PSPC1: variants seen among roughly 807,000 people sequenced by gnomAD.
PSPC1 encodes paraspeckle component 1, also known as paraspeckle protein 1.
PSPC1 carries 14 observed loss-of-function variants against 51.6 expected under a neutral mutation model. The observed-to-expected ratio is 0.27, with a 90% confidence interval of 0.18 to 0.42. PSPC1 has a LOEUF of 0.42. Among genes scored for constraint, PSPC1 ranks in the 10% least tolerant of loss-of-function variants. The probability of loss-of-function intolerance (pLI) is 1.00; values close to 1 mark genes in which losing one functional copy is unlikely to be tolerated. For missense variants in PSPC1, 406 were observed against 701.1 expected (o/e 0.58, Z 4.75); for synonymous variants, 193 against 231.9 (o/e 0.83, Z 1.53).
In PSPC1 at chr13:19,755,600, A is replaced by C. The variant is rs527767499; in HGVS notation, c.770+3723T>G. ...AGAAACTCCATCTCAAAAAAAAAAAAAACAATAGATATGAATTATAATCAA... is the reference window on the plus strand; with the variant it reads ...AGAAACTCCATCTCAAAAAAAAAAACAACAATAGATATGAATTATAATCAA... On this transcript the variant is annotated intron_variant, in intron 3 of 8. Coordinates refer to ENST00000338910, the MANE Select transcript of PSPC1 (RefSeq NM_001354909.2). Among the ~76,000 whole-genome samples the C allele has an allele frequency of 4.2e-3, 639 of 152,106 alleles. 4 individuals carry two copies. Among genetic ancestry groups the C allele is most frequent in the African/African-American group, 0.014 (594 of 41,514 alleles).
chr13:19,762,048 T>A (rs1453547317), intron 2 of PSPC1, among the ~76,000 whole-genome samples: 5 of 152,214 alleles, frequency 3.3e-5, no homozygotes, highest in African/African-American at 1.2e-4. Context: ...GACATCTCTG[T>A]ACTCTCAAAT....
At chr13:19,736,507 C>A (rs1054150297) in intron 5 of PSPC1, among the ~76,000 whole-genome samples, 2 of 151,242 alleles carry the variant, frequency 1.3e-5, no homozygotes, top group Non-Finnish European at 2.9e-5. Flanking sequence ...CACAGTGAAA[C>A]CCCATCTCTA....
intron 3 of PSPC1, among the ~76,000 whole-genome samples, chr13:19,752,122 CA>C (rs1886618676): frequency 6.6e-6 from 1 of 152,162 alleles, no homozygotes; most frequent in Non-Finnish European, 1.5e-5. Flanking sequence ...CTGTCTGGAT[CA>C]GATGTTTTTC....
chr13:19,732,803 T>C lies in PSPC1; in HGVS notation c.1053-2459A>G, dbSNP rs901593763. On this transcript the variant is annotated intron_variant, in intron 5 of 8. Transcript: ENST00000338910. ...TTTGCTGGACGCGGTGGCACGTGCA[T>C]GTAATCCCAGCTACTCGGGAGGCTG... Among the ~76,000 whole-genome samples, 10 of 152,032 alleles carry C rather than the reference T, an allele frequency of 6.6e-5. No individual in the cohort carries two copies. The South Asian group carries it at 1.0e-3, about 16-fold the overall frequency.
At chr13:19,703,775 G>A (rs936947589) in intron 8 of PSPC1, among the ~76,000 whole-genome samples, 5 of 151,822 alleles carry the variant, frequency 3.3e-5, no homozygotes, top group East Asian at 1.9e-4. Flanking sequence ...GCATCAATTC[G>A]GTTTTTTAAA....
At chr13:19,750,032 A>G (rs1473853481) in intron 4 of PSPC1, among the ~76,000 whole-genome samples, 1 of 152,226 alleles carries the variant, frequency 6.6e-6, no homozygotes, top group East Asian at 1.9e-4. Flanking sequence ...ACGAAATACT[A>G]GAACACACAT....
chr13:19,677,150 A>G (rs111443256), intron 7 of PSPC1, among the ~76,000 whole-genome samples: 16,699 of 151,196 alleles, frequency 0.11, 910 homozygotes, highest in Middle Eastern at 0.17. Context: ...GGAGAATGGC[A>G]TGAACCCGGG....
chr13:19,768,202 G>T (rs1262625536), intron 2 of PSPC1, among the ~76,000 whole-genome samples: 1 of 151,820 alleles, frequency 6.6e-6, no homozygotes. Flanking sequence ...TTTGGCCTGA[G>T]TGACAGAGCA....
At chr13:19,709,072 C>A (rs569914165) in intron 7 of PSPC1, among the ~76,000 whole-genome samples, 95 of 150,354 alleles carry the variant, frequency 6.3e-4, no homozygotes, top group African/African-American at 2.2e-3. Context: ...GATGGAAGGA[C>A]CACTTGAGCC....
At chr13:19,742,736 C>G (rs1885561718) in intron 4 of PSPC1, among the ~76,000 whole-genome samples, 1 of 152,144 alleles carries the variant, frequency 6.6e-6, no homozygotes, top group South Asian at 2.1e-4. Context: ...AGAACTGTCT[C>G]TAAAATAAAA....
At chr13:19,697,541 C>T (rs1339988994), downstream of PSPC1, among the ~76,000 whole-genome samples, 2 of 152,134 alleles carry the variant, frequency 1.3e-5, no homozygotes, top group African/African-American at 2.4e-5. Context: ...TAGACAATTA[C>T]TCCCATTACC....
At chr13:19,709,418 A>G (rs1881125478) in intron 7 of PSPC1, 124 bp downstream of exon 7, 1 of 658,380 alleles carries the variant, frequency 1.5e-6, no homozygotes, top group African/African-American at 1.8e-5. Flanking sequence ...GATGTAAGAG[A>G]TTTCACCTTT....
intron 6 of PSPC1, among the ~76,000 whole-genome samples, chr13:19,685,051 G>C (rs754720721): frequency 6.6e-6 from 1 of 152,180 alleles, no homozygotes; most frequent in South Asian, 2.1e-4. Flanking sequence ...GAGAAATTTA[G>C]ACTATATAGA....
chr13:19,764,914 C>A (rs4769905), intron 2 of PSPC1, among the ~76,000 whole-genome samples: 3 of 150,880 alleles, frequency 2.0e-5, no homozygotes, highest in Non-Finnish European at 3.0e-5. Context: ...TTTTATTTTT[C>A]TTTTGTAGAG....
chr13:19,758,786 G>A (rs966775084), intron 3 of PSPC1, among the ~76,000 whole-genome samples: 9 of 151,448 alleles, frequency 5.9e-5, no homozygotes, highest in East Asian at 1.9e-4. Flanking sequence ...AGTGAGCCGA[G>A]TTCACGCCAC....
downstream of PSPC1, among the ~76,000 whole-genome samples, chr13:19,701,431 CTCCATCACCTCATACTTATG>C (rs1372847686): frequency 3.3e-5 from 5 of 151,848 alleles, no homozygotes; most frequent in Non-Finnish European, 7.4e-5. Context: ...AAATCCCACT[CTCCATCACCTCATACTTATG>C]AGAAACATGA....
chr13:19,699,507 A>G (rs1879650169), downstream of PSPC1: 1 of 152,072 alleles, frequency 6.6e-6, no homozygotes, highest in Admixed American at 6.6e-5. Flanking sequence ...CTTGTAAAGT[A>G]TAAGACTACT....
chr13:19,754,469 T>C (rs1242225279), intron 3 of PSPC1, among the ~76,000 whole-genome samples: 1 of 150,348 alleles, frequency 6.7e-6, no homozygotes, highest in African/African-American at 2.4e-5. Context: ...TTTTTTTTTT[T>C]TGAGACAGTC....
chr13:19,743,609 G>A (rs1885651635), intron 4 of PSPC1, among the ~76,000 whole-genome samples: 1 of 152,136 alleles, frequency 6.6e-6, no homozygotes, highest in Non-Finnish European at 1.5e-5. Flanking sequence ...TAGTTGATCA[G>A]ACTCAATTGG....
Sources: allele counts gnomAD v4.1 joint callset (sites outside exome capture counted in the v4.1 genomes callset), GRCh38; gene constraint gnomAD v4.1.1; transcripts MANE v1.5; gene names NCBI Gene and HGNC (gene_info 2026-07-23, HGNC 2026-07-21).